CYTH1: variants seen among roughly 807,000 people sequenced by gnomAD.
CYTH1 encodes the protein cytohesin 1.
CYTH1 carries 18 observed loss-of-function variants against 61.8 expected under a neutral mutation model. The ratio of observed to expected loss-of-function variants is 0.29; its 90% CI spans 0.20 to 0.43. The LOEUF is 0.43. Among genes scored for constraint, CYTH1 ranks in the 20% least tolerant of loss-of-function variants. The pLI is 1.00. For synonymous variants in CYTH1, 174 were observed against 184.3 expected (o/e 0.94, Z 0.45); for missense variants, 336 against 510.5 (o/e 0.66, Z 3.29).
intron 1 of CYTH1, chr17:78,736,727 C>T (rs1325199902): frequency 2.4e-6 from 1 of 421,342 alleles, no homozygotes; most frequent in Non-Finnish European, 5.0e-6. Context: ...CATCTTGTTT[C>T]CTTACAGCGG....
intron 1 of CYTH1, chr17:78,723,204 G>C (rs1258566104): frequency 6.5e-6 from 1 of 152,966 alleles, no homozygotes; most frequent in East Asian, 1.9e-4. Flanking sequence ...CCATCCACCA[G>C]CCTCTTACCC....
At chr17:78,777,311 C>T (rs1347428124) in intron 1 of CYTH1, among the ~76,000 whole-genome samples, 1 of 148,942 alleles carries the variant, frequency 6.7e-6, no homozygotes, top group Non-Finnish European at 1.5e-5. Context: ...CCCAGCTACT[C>T]AGGAGGCTGA....
intron 1 of CYTH1, among the ~76,000 whole-genome samples, chr17:78,757,158 C>T (rs997745050): frequency 1.1e-4 from 17 of 151,934 alleles, no homozygotes; most frequent in African/African-American, 4.1e-4. Context: ...CTGTGTTAGC[C>T]AGGATGGTTT....
At chr17:78,706,730 CCAT>C (rs2093070501) in intron 3 of CYTH1, among the ~76,000 whole-genome samples, 1 of 152,180 alleles carries the variant, frequency 6.6e-6, no homozygotes, top group Non-Finnish European at 1.5e-5. Context: ...ACATGAGGTA[CCAT>C]CAGTCTTTTT....
intron 1 of CYTH1, among the ~76,000 whole-genome samples, chr17:78,740,344 G>A (rs1034778506): frequency 6.6e-6 from 1 of 152,190 alleles, no homozygotes; most frequent in Non-Finnish European, 1.5e-5. Flanking sequence ...TGGCCTCACA[G>A]GTCCCCTGCT....
intron 1 of CYTH1, among the ~76,000 whole-genome samples, chr17:78,779,536 T>A (rs2093508287): frequency 6.6e-6 from 1 of 152,156 alleles, no homozygotes; most frequent in African/African-American, 2.4e-5. Context: ...TAGGTTACCT[T>A]ACATGGCAGA....
rs149509106 is a variant in CYTH1, at chr17:78,677,567, G to A, written c.1119-1398C>T. 42 of 160,980 alleles carry A rather than the reference G, an allele frequency of 2.6e-4. No homozygotes were observed. The South Asian group carries it at 3.1e-3, about 12-fold the overall frequency. 10.0% of individuals were successfully genotyped at this position (160,980 alleles called of 1,614,324 possible). ...TGGCAGCCGCTGTTACCGCTGACAC[G>A]CAGTTCTACTGCTGTACCTCTGGGT... On this transcript the variant is annotated intron_variant, in intron 13 of 13. Coordinates refer to ENST00000446868, the MANE Select transcript of CYTH1 (RefSeq NM_004762.6).
intron 5 of CYTH1, 134 bp downstream of exon 5, chr17:78,701,988 C>G: frequency 1.2e-6 from 1 of 818,238 alleles, no homozygotes; most frequent in East Asian, 2.4e-5. Context: ...AAAAGCCTCC[C>G]CTCAACTCCA....
chr17:78,732,356 A>G (rs1307483530), intron 1 of CYTH1, among the ~76,000 whole-genome samples: 1 of 152,198 alleles, frequency 6.6e-6, no homozygotes, highest in Admixed American at 6.5e-5. Flanking sequence ...GGCTACACAA[A>G]GACTCAGATA....
intron 1 of CYTH1, among the ~76,000 whole-genome samples, chr17:78,752,172 G>GC (rs1446041915): frequency 1.3e-5 from 2 of 152,040 alleles, no homozygotes; most frequent in African/African-American, 2.4e-5. Context: ...CCCTCTCTTC[G>GC]CCAGTTACAA....
At chr17:78,743,301 CCTT>C (rs1255769624) in intron 1 of CYTH1, among the ~76,000 whole-genome samples, 1 of 152,210 alleles carries the variant, frequency 6.6e-6, no homozygotes, top group East Asian at 1.9e-4. Flanking sequence ...ACCAGCCCCT[CCTT>C]CTCTGTTCTC....
chr17:78,776,731 C>T (rs1031838091), intron 1 of CYTH1, among the ~76,000 whole-genome samples: 7 of 148,802 alleles, frequency 4.7e-5, no homozygotes, highest in African/African-American at 9.9e-5. Context: ...TTAATTTTTA[C>T]GATTTTTTTC....
rs2092683539 is a variant in CYTH1, at chr17:78,675,075, C to CA, written c.*1015_*1016insT. 1 of 152,262 alleles carries CA rather than the reference C, an allele frequency of 6.6e-6. No homozygotes were observed. Among genetic ancestry groups the CA allele is most frequent in the Non-Finnish European group, 1.5e-5 (1 of 68,088 alleles). The allele number at this position is 152,262 out of a possible 1,614,324, so 9.4% of individuals were successfully genotyped here. A position where few individuals can be genotyped will look rare whatever the true frequency, so the allele number is the denominator to read the frequency against. On this transcript the variant is annotated 3_prime_UTR_variant, in exon 14 of 14. Transcript: ENST00000446868. ...CTACGGGGATCGGGGAAGTCCTACT[C>CA]CTTCCTCTAGAACGAGGACTGGAGT...
At position 78,675,945 on chromosome 17, in the gene CYTH1, A is replaced by G; in HGVS notation, c.*146T>C. 6.5e-7 allele frequency: 1 copy of G among 1,547,774 alleles called. No homozygotes were observed. On this transcript the variant is annotated 3_prime_UTR_variant, in exon 14 of 14. Transcript: ENST00000446868. ...TGCCCACCCTTCTCCCACTTAAAAA[A>G]AATAGCAAAAGCTGAAGCTAGTCTC...
chr17:78,724,038 AGCCACCAAT>A (rs1375921560), intron 1 of CYTH1: 1 of 152,220 alleles, frequency 6.6e-6, no homozygotes, highest in East Asian at 1.9e-4. Flanking sequence ...GTACACTCGC[AGCCACCAAT>A]GGTTATTTCT....
chr17:78,698,133 GCACACA>G (rs1204035558), intron 9 of CYTH1, 130 bp downstream of exon 9: 10 of 746,446 alleles, frequency 1.3e-5, no homozygotes, highest in Admixed American at 5.0e-5. Flanking sequence ...GCATGCGCGT[GCACACA>G]CACGCACGCG....
At chr17:78,712,684 A>G (rs141955089) in intron 1 of CYTH1, among the ~76,000 whole-genome samples, 4 of 151,866 alleles carry the variant, frequency 2.6e-5, no homozygotes, top group Non-Finnish European at 5.9e-5. Flanking sequence ...TAATATAAAA[A>G]ATAAAAAATA....
intron 1 of CYTH1, among the ~76,000 whole-genome samples, chr17:78,756,072 TA>T (rs1429190342): frequency 5.0e-5 from 6 of 120,000 alleles, no homozygotes; most frequent in African/African-American, 1.8e-4. Flanking sequence ...TTTATTTATT[TA>T]TTTTTATTTT....
chr17:78,675,717 T>G lies in CYTH1; in HGVS notation c.*374A>C. 2.0e-6 allele frequency: 1 copy of G among 508,988 alleles called. No individual in the cohort carries two copies. The highest frequency in any genetic ancestry group is 3.4e-6 in the Non-Finnish European group (1 of 294,160). 31.5% of individuals were successfully genotyped at this position (508,988 alleles called of 1,614,324 possible). On this transcript the variant is annotated 3_prime_UTR_variant, in exon 14 of 14. Transcript: ENST00000446868. Reference sequence around the variant, plus strand: ...TAACATATAATAATATATGGACACATGTATTTATGGTGCAGGGTTTGAAGG... The same window carrying G: ...TAACATATAATAATATATGGACACAGGTATTTATGGTGCAGGGTTTGAAGG...
Sources: gnomAD v4.1 joint callset for allele counts (sites outside exome capture counted in the v4.1 genomes callset) on GRCh38, gnomAD v4.1.1 for gene constraint, MANE v1.5 for transcripts, NCBI Gene and HGNC (gene_info 2026-07-23, HGNC 2026-07-21) for gene names.